MORC2: variants seen among roughly 807,000 people sequenced by gnomAD.
MORC2 encodes ATPase MORC2.
In MORC2, 30 loss-of-function variants were observed where a neutral mutation model predicts 136.0. The ratio of observed to expected loss-of-function variants is 0.22; its 90% CI spans 0.17 to 0.30. The LOEUF is 0.30. Ranked by LOEUF, MORC2 falls within the 10% of genes least tolerant of loss-of-function variation. The pLI, the probability that MORC2 is intolerant of heterozygous loss-of-function variation, is 1.00. For synonymous variants in MORC2, 439 were observed against 487.0 expected (o/e 0.90, Z 1.30); for missense variants, 922 against 1,333.1 (o/e 0.69, Z 4.80).
At chr22:30,963,149 T>C in intron 1 of MORC2, 1 of 202,544 alleles carries the variant, frequency 4.9e-6, no homozygotes, top group Non-Finnish European at 8.8e-6. Flanking sequence ...ATAATTTTTT[T>C]GTATTTTTAG....
intron 1 of MORC2, chr22:30,963,410 G>C: frequency 1.4e-6 from 1 of 712,360 alleles, no homozygotes; most frequent in Non-Finnish European, 1.7e-6. Flanking sequence ...TTGAGAGATG[G>C]AGTCTTGCTC....
At chr22:30,961,900 A>G (rs2041051791) in intron 1 of MORC2, among the ~76,000 whole-genome samples, 2 of 152,180 alleles carry the variant, frequency 1.3e-5, no homozygotes, top group South Asian at 4.1e-4. Context: ...CCTGCCACAC[A>G]GTGCTTAGAA....
intron 1 of MORC2, chr22:30,967,219 G>A: frequency 5.1e-6 from 5 of 985,964 alleles, no homozygotes; most frequent in Non-Finnish European, 6.0e-6. Context: ...CAAGAACCAT[G>A]AACACTGTAT....
chr22:30,941,073 T>A lies in MORC2; in HGVS notation c.825-236A>T, dbSNP rs1272568575. Among the ~76,000 whole-genome samples the A allele has an allele frequency of 1.3e-5, 2 of 152,156 alleles. No homozygotes were observed. Among genetic ancestry groups the A allele is most frequent in the African/African-American group, 4.8e-5 (2 of 41,430 alleles). ...CACCATTCACCAGGGTTGTCATTCA[T>A]CCCACAGCAGAAACAAACCTCAGGA... On this transcript the variant is annotated intron_variant, in intron 9 of 25. Coordinates refer to ENST00000397641, the MANE Select transcript of MORC2 (RefSeq NM_001303256.3). The surrounding 1 kb of genome is among the most constrained non-coding windows in gnomAD (Gnocchi z 4.6).
chr22:30,927,588 G>A (rs146659627), intron 25 of MORC2, among the ~76,000 whole-genome samples: 2 of 152,306 alleles, frequency 1.3e-5, no homozygotes, highest in Non-Finnish European at 1.5e-5. Context: ...CTGGCAGGCT[G>A]TGAGAGCAGG....
In MORC2 at chr22:30,926,773, T is replaced by TG; in HGVS notation, c.*29dup. On this transcript the variant is annotated 3_prime_UTR_variant, in exon 26 of 26. Coordinates refer to ENST00000397641, the MANE Select transcript of MORC2 (RefSeq NM_001303256.3). The stretch of plus-strand genomic sequence containing the variant: ...TGCAGCTACAGGGTTGAGGGGCAGG[T>TG]GGGCAGGGGAGCTGCTCTCTCTCCT... 1 of 1,596,526 alleles carries TG rather than the reference T, an allele frequency of 6.3e-7. No individual in the cohort carries two copies. The highest frequency in any genetic ancestry group is 2.2e-5 in the East Asian group (1 of 44,628).
intron 1 of MORC2, among the ~76,000 whole-genome samples, chr22:30,959,367 G>A (rs544941621): frequency 1.3e-5 from 2 of 152,294 alleles, no homozygotes; most frequent in South Asian, 4.1e-4. Context: ...CTTTAATGGA[G>A]GGAAAGTTCT....
intron 5 of MORC2, among the ~76,000 whole-genome samples, chr22:30,948,097 G>A (rs1419105609): frequency 6.6e-6 from 1 of 152,116 alleles, no homozygotes; most frequent in Admixed American, 6.6e-5. Flanking sequence ...ACCACTTTCA[G>A]AGTCACATTT....
chr22:30,942,386 G>T, intron 6 of MORC2, 115 bp from the exon 7 acceptor site: 3 of 1,200,620 alleles, frequency 2.5e-6, no homozygotes, highest in Admixed American at 2.2e-5. Flanking sequence ...TGTAGGTGAG[G>T]CCCAAGCTCC....
intron 3 of MORC2, among the ~76,000 whole-genome samples, chr22:30,952,024 T>C (rs1348333267): frequency 1.3e-5 from 2 of 152,164 alleles, no homozygotes; most frequent in Non-Finnish European, 2.9e-5. Flanking sequence ...TTCTTGAAAG[T>C]ACAAGGGTGA....
chr22:30,939,588 T>G, intron 12 of MORC2, 33 bp downstream of exon 12: 1 of 1,607,258 alleles, frequency 6.2e-7, no homozygotes, highest in Non-Finnish European at 8.5e-7. Context: ...GCTACGTCAG[T>G]TTAAAAGATC....
At chr22:30,935,602 G>T (rs1234018996) in intron 17 of MORC2, among the ~76,000 whole-genome samples, 1 of 152,182 alleles carries the variant, frequency 6.6e-6, no homozygotes, top group Admixed American at 6.5e-5. Context: ...GGTAGAAAGG[G>T]CCCGAAGGAT....
At chr22:30,933,370 C>G in intron 21 of MORC2, 96 bp downstream of exon 21, 3 of 1,377,278 alleles carry the variant, frequency 2.2e-6, no homozygotes, top group Non-Finnish European at 3.1e-6. Flanking sequence ...AGGACAGATT[C>G]AATGAGCCTT....
intron 16 of MORC2, 80 bp from the exon 17 acceptor site, chr22:30,936,723 C>CA (rs2040658132): frequency 6.5e-7 from 1 of 1,545,868 alleles, no homozygotes; most frequent in Non-Finnish European, 8.8e-7. Flanking sequence ...AGCCAGTCTA[C>CA]ACTGTCTGTC....
chr22:30,932,287 A>G lies in MORC2; in HGVS notation c.2841+72T>C. 4 of 1,279,832 alleles carry G rather than the reference A, an allele frequency of 3.1e-6. No individual in the cohort carries two copies. Among genetic ancestry groups the G allele is most frequent in the Non-Finnish European group, 4.4e-6 (4 of 900,710 alleles). The allele number at this position is 1,279,832 out of a possible 1,614,324, so 79.3% of individuals were successfully genotyped here. On this transcript the variant is annotated intron_variant, in intron 24 of 25. Transcript: ENST00000397641. The surrounding 1 kb of genome is among the most constrained non-coding windows in gnomAD (Gnocchi z 4.4). Reference sequence around the variant, plus strand: ...AACAAGCGTAACAATCATAATCACAACAGTTACAACAAATGCAGGGGCAGG... The same window carrying G: ...AACAAGCGTAACAATCATAATCACAGCAGTTACAACAAATGCAGGGGCAGG...
At chr22:30,953,083 A>G (rs566606441) in intron 3 of MORC2, among the ~76,000 whole-genome samples, 3 of 152,346 alleles carry the variant, frequency 2.0e-5, no homozygotes, top group South Asian at 2.1e-4. Context: ...GAGAAGCACT[A>G]AACTAGAGCA....
chr22:30,961,883 C>G (rs2041051378), intron 1 of MORC2, among the ~76,000 whole-genome samples: 1 of 152,134 alleles, frequency 6.6e-6, no homozygotes, highest in Non-Finnish European at 1.5e-5. Context: ...AGGGCAAGCA[C>G]AAAGCACCTG....
chr22:30,940,920 C>T, intron 9 of MORC2, 83 bp from the exon 10 acceptor site: 1 of 1,123,992 alleles, frequency 8.9e-7, no homozygotes, highest in Non-Finnish European at 1.4e-6. Flanking sequence ...ACCCTGCCTT[C>T]CTGCCTCCTC....
chr22:30,925,309 G>A lies in MORC2; in HGVS notation c.*1494C>T, dbSNP rs2040466894. The stretch of plus-strand genomic sequence containing the variant: ...TGAGATGAAGAGAGAGAGCAGGATG[G>A]CAGAGGAATCACCAGCTCAAGAAAC... On this transcript the variant is annotated 3_prime_UTR_variant, in exon 26 of 26. Coordinates refer to ENST00000397641, the MANE Select transcript of MORC2 (RefSeq NM_001303256.3). 1.5e-5 allele frequency: 4 copies of A among 268,648 alleles called. No individual in the cohort carries two copies. Among genetic ancestry groups the A allele is most frequent in the Non-Finnish European group, 2.9e-5 (4 of 137,442 alleles). The allele number at this position is 268,648 out of a possible 1,614,324, so 16.6% of individuals were successfully genotyped here. A position where few individuals can be genotyped will look rare whatever the true frequency, so the allele number is the denominator to read the frequency against.
Sources: gnomAD v4.1 joint callset for allele counts (sites outside exome capture counted in the v4.1 genomes callset) on GRCh38, gnomAD v4.1.1 for gene constraint, Gnocchi (gnomAD v3.1) non-coding constraint, MANE v1.5 for transcripts, NCBI Gene and HGNC (gene_info 2026-07-23, HGNC 2026-07-21) for gene names.